LDLRAD4: variants seen among roughly 807,000 people sequenced by gnomAD.
LDLRAD4 encodes the protein low-density lipoprotein receptor class A domain-containing protein 4.
A neutral mutation model predicts 17.0 loss-of-function variants in LDLRAD4; 5 were observed. That is an observed-to-expected ratio of 0.29 (90% confidence interval 0.15 to 0.62). The LOEUF is 0.62. Ranked by LOEUF, LDLRAD4 falls within the 20% of genes least tolerant of loss-of-function variation. LDLRAD4 has a pLI of 0.84. For missense variants in LDLRAD4, 340 were observed against 424.7 expected, an observed-to-expected ratio of 0.80 and a Z score of 1.75; for synonymous variants, 168 against 171.8, an observed-to-expected ratio of 0.98 and a Z score of 0.17.
chr18:13,265,616 C>T (rs1314226545), intron 1 of LDLRAD4, among the ~76,000 whole-genome samples: 1 of 152,218 alleles, frequency 6.6e-6, no homozygotes, highest in African/African-American at 2.4e-5. Context: ...TGATCCCTGA[C>T]TCACTGAGAA....
At chr18:13,583,795 CTTA>C (rs2094898978) in intron 3 of LDLRAD4, among the ~76,000 whole-genome samples, 1 of 152,054 alleles carries the variant, frequency 6.6e-6, no homozygotes, top group African/African-American at 2.4e-5. Context: ...CTGGCGGAGT[CTTA>C]TTGTTGTGTC....
At chr18:13,585,610 C>T (rs933935584) in intron 3 of LDLRAD4, among the ~76,000 whole-genome samples, 16 of 152,164 alleles carry the variant, frequency 1.1e-4, no homozygotes, top group Non-Finnish European at 1.5e-5. Flanking sequence ...CATTTGGTTT[C>T]CCACTCCCCC....
At chr18:13,417,238 T>C (rs1391201140) in intron 2 of LDLRAD4, among the ~76,000 whole-genome samples, 8 of 152,218 alleles carry the variant, frequency 5.3e-5, no homozygotes, top group Admixed American at 5.2e-4. Flanking sequence ...AGAAAAATTA[T>C]TTTAAGAAGT....
chr18:13,599,169 G>A (rs2095130356), intron 3 of LDLRAD4, among the ~76,000 whole-genome samples: 2 of 152,162 alleles, frequency 1.3e-5, no homozygotes, highest in South Asian at 4.2e-4. Flanking sequence ...GCTTTGTTGG[G>A]AAGTGGGGAG....
At chr18:13,378,732 C>T (rs2085118858) in intron 1 of LDLRAD4, among the ~76,000 whole-genome samples, 1 of 152,190 alleles carries the variant, frequency 6.6e-6, no homozygotes, top group African/African-American at 2.4e-5. Context: ...ACCTCACCCA[C>T]ACACTTTCTC....
At chr18:13,625,799 C>G (rs1325042242) in intron 4 of LDLRAD4, among the ~76,000 whole-genome samples, 2 of 126,708 alleles carry the variant, frequency 1.6e-5, no homozygotes, top group African/African-American at 6.1e-5. Flanking sequence ...CTCCTCCCCT[C>G]AGCCGGCGCC....
At chr18:13,493,773 G>A (rs1169851720) in intron 3 of LDLRAD4, among the ~76,000 whole-genome samples, 1 of 152,168 alleles carries the variant, frequency 6.6e-6, no homozygotes, top group Non-Finnish European at 1.5e-5. Context: ...TCCGTGGCTG[G>A]GAAGAGGGGC....
chr18:13,252,365 G>A (rs2043266558), intron 1 of LDLRAD4, among the ~76,000 whole-genome samples: 1 of 152,122 alleles, frequency 6.6e-6, no homozygotes, highest in African/African-American at 2.4e-5. Context: ...CTGAGCTCAG[G>A]TGATCCACCC....
intron 2 of LDLRAD4, among the ~76,000 whole-genome samples, chr18:13,406,920 T>A (rs1360924439): frequency 6.6e-6 from 1 of 152,022 alleles, no homozygotes; most frequent in Non-Finnish European, 1.5e-5. Flanking sequence ...TCCATAACCT[T>A]TGTAGAGCAG....
At position 13,482,204 on chromosome 18, in the gene LDLRAD4, A is replaced by G. The variant is rs1221092346; in HGVS notation, c.181+43820A>G. Among the ~76,000 whole-genome samples the G allele has an allele frequency of 2.6e-5, 4 of 152,284 alleles. No individual in the cohort carries two copies. The East Asian group carries it at 5.8e-4, about 22-fold the overall frequency. The stretch of plus-strand genomic sequence containing the variant: ...CAGTGCCTGGGGGCATATCAGGTGG[A>G]GAACCAGTGCCAAACTCACACCCCT... On this transcript the variant is annotated intron_variant, in intron 3 of 5. Transcript: ENST00000359446.
chr18:13,535,489 AT>A (rs1356843376), intron 3 of LDLRAD4, among the ~76,000 whole-genome samples: 1 of 152,080 alleles, frequency 6.6e-6, no homozygotes, highest in Non-Finnish European at 1.5e-5. Context: ...GTTGTTTTAA[AT>A]CTTTTGCACA....
At chr18:13,334,530 G>A (rs934833402) in intron 1 of LDLRAD4, among the ~76,000 whole-genome samples, 18 of 152,140 alleles carry the variant, frequency 1.2e-4, no homozygotes, top group African/African-American at 4.1e-4. Flanking sequence ...CACTGCACCC[G>A]GCCTCAATTA....
At chr18:13,497,962 G>A (rs1317823712) in intron 3 of LDLRAD4, among the ~76,000 whole-genome samples, 4 of 149,770 alleles carry the variant, frequency 2.7e-5, no homozygotes, top group African/African-American at 9.9e-5. Context: ...CGCCATACAC[G>A]TCCTGCTGTG....
At chr18:13,221,336 C>CT (rs200529534) in intron 1 of LDLRAD4, among the ~76,000 whole-genome samples, 1 of 151,990 alleles carries the variant, frequency 6.6e-6, no homozygotes, top group Non-Finnish European at 1.5e-5. Flanking sequence ...CTGTTCCTTC[C>CT]TTTTTTTAGG....
At chr18:13,502,914 G>C (rs947377645) in intron 3 of LDLRAD4, among the ~76,000 whole-genome samples, 7 of 152,218 alleles carry the variant, frequency 4.6e-5, no homozygotes, top group Non-Finnish European at 1.0e-4. Flanking sequence ...TGCACACAGC[G>C]GCTATCTGCT....
intron 1 of LDLRAD4, among the ~76,000 whole-genome samples, chr18:13,336,913 A>G (rs1354572673): frequency 6.6e-6 from 1 of 152,042 alleles, no homozygotes; most frequent in East Asian, 1.9e-4. Context: ...GTCTATTAGT[A>G]AGTTTTATGG....
At chr18:13,426,018 T>G (rs1218776489) in intron 2 of LDLRAD4, 2 of 152,748 alleles carry the variant, frequency 1.3e-5, no homozygotes, top group Non-Finnish European at 2.9e-5. Flanking sequence ...GGATGGCCCA[T>G]GGCGGCAGGG....
At chr18:13,452,143 T>G (rs1036304123) in intron 3 of LDLRAD4, among the ~76,000 whole-genome samples, 1 of 151,976 alleles carries the variant, frequency 6.6e-6, no homozygotes, top group Non-Finnish European at 1.5e-5. Context: ...GAGGGGCAGG[T>G]CCCCAGTAGC....
At chr18:13,562,719 G>A (rs2094554585) in intron 3 of LDLRAD4, among the ~76,000 whole-genome samples, 1 of 152,178 alleles carries the variant, frequency 6.6e-6, no homozygotes, top group Non-Finnish European at 1.5e-5. Context: ...TGCAACATGT[G>A]AGATTTAAAA....
Sources: gnomAD v4.1 joint callset for allele counts (sites outside exome capture counted in the v4.1 genomes callset) on GRCh38, gnomAD v4.1.1 for gene constraint, MANE v1.5 for transcripts, NCBI Gene and HGNC (gene_info 2026-07-23, HGNC 2026-07-21) for gene names.